Variants in DST observed in about 807,000 individuals in gnomAD.
The protein encoded by DST is bullous pemphigoid antigen.
Under a neutral mutation model 875.2 loss-of-function variants are expected in DST, and 253 were observed. The observed-to-expected ratio is 0.29, with a 90% CI of 0.26 to 0.32. DST has a LOEUF of 0.32. Among genes scored for constraint, DST ranks in the 10% least tolerant of loss-of-function variants. The pLI, the probability that DST is intolerant of heterozygous loss-of-function variation, is 1.00. For missense variants in DST, 8,287 were observed against 9,111.6 expected, an observed-to-expected ratio of 0.91 and a Z score of 3.68; for synonymous variants, 3,124 against 3,197.1, an observed-to-expected ratio of 0.98 and a Z score of 0.77.
chr6:56,580,725 C>CTTTTT (rs1167715487), intron 49 of DST, among the ~76,000 whole-genome samples: 1 of 121,038 alleles, frequency 8.3e-6, no homozygotes. Context: ...TTTACTTTTT[C>CTTTTT]TTTTTTTTTT....
chr6:56,867,568 T>TC (rs1195241070), intron 3 of DST, among the ~76,000 whole-genome samples: 1 of 152,204 alleles, frequency 6.6e-6, no homozygotes, highest in Non-Finnish European at 1.5e-5. Context: ...ATGCCTGTAA[T>TC]CCCAGCACTT....
intron 1 of DST, 73 bp from the exon 2 acceptor site, chr6:56,953,892 C>A: frequency 8.7e-7 from 1 of 1,146,892 alleles, no homozygotes; most frequent in Non-Finnish European, 1.2e-6. Context: ...TCATGACTTA[C>A]CTGGGAGACC....
At chr6:56,498,865 T>A (rs55649371) in intron 80 of DST, among the ~76,000 whole-genome samples, 42 of 151,580 alleles carry the variant, frequency 2.8e-4, no homozygotes, top group African/African-American at 8.8e-4. Flanking sequence ...AAAATTCAGT[T>A]GTTCTTCAAG....
Position 56,521,476 on chromosome 6 carries a change from ATT to A in DST, c.18130-3858_18130-3857del, listed in dbSNP as rs1380195868. Reference sequence around the variant, plus strand: ...ATTAGTTTAACACTATGTCTTCCCTATTTAAAAAAAAAAAAAAACTTTCCAGC... The same window carrying A: ...ATTAGTTTAACACTATGTCTTCCCTATAAAAAAAAAAAAAAACTTTCCAGC... On this transcript the variant is annotated intron_variant, in intron 69 of 103. Coordinates refer to ENST00000680361, the MANE Select transcript of DST (RefSeq NM_001374736.1). Among the ~76,000 whole-genome samples the A allele has an allele frequency of 8.6e-3, 608 of 70,424 alleles. 6 individuals carry two copies. Among genetic ancestry groups the A allele is most frequent in the Middle Eastern group, 0.021 (4 of 190 alleles). The allele number at this position is 70,424 out of a possible 152,430, so 46.2% of individuals were successfully genotyped here.
chr6:56,780,997 G>A (rs71564853), intron 4 of DST, among the ~76,000 whole-genome samples: 1,710 of 152,186 alleles, frequency 0.011, 13 homozygotes, highest in Non-Finnish European at 0.019. Flanking sequence ...TTTCCCCATT[G>A]CTTGTTTTTC....
chr6:56,615,423 A>T (rs1314175522), intron 36 of DST: 1 of 1,586,962 alleles, frequency 6.3e-7, no homozygotes. Context: ...TACATAATTC[A>T]CAGACTGCAT....
intron 53 of DST, 97 bp from the exon 54 acceptor site, chr6:56,570,109 T>C (rs1300671513): frequency 2.2e-5 from 20 of 902,330 alleles, no homozygotes; most frequent in Non-Finnish European, 3.1e-5. Flanking sequence ...CCATCTTCCA[T>C]GTACTCTAAC....
intron 102 of DST, chr6:56,462,091 A>G (rs564086418): frequency 8.1e-4 from 123 of 152,326 alleles, no homozygotes; most frequent in African/African-American, 2.9e-3. Context: ...TTATTATATT[A>G]CTTTTATTTG....
At position 56,616,238 on chromosome 6, in the gene DST, C is replaced by T. The variant is rs1226320546; in HGVS notation, c.4930-1754G>A. ...TTTGACCAAGGCTTTGTCAATTGTT[C>T]CCTGCTCTATAGCCTCATTAATATT... is the stretch of plus-strand genomic sequence containing the variant. On this transcript the variant is annotated intron_variant, in intron 36 of 103. Coordinates refer to ENST00000680361, the MANE Select transcript of DST (RefSeq NM_001374736.1). 3.7e-6 allele frequency: 6 copies of T among 1,614,110 alleles called. 1 individual carries two copies. The highest frequency in any genetic ancestry group is 1.7e-4 in the Middle Eastern group (1 of 6,060).
intron 3 of DST, among the ~76,000 whole-genome samples, chr6:56,857,456 T>C (rs900451585): frequency 1.3e-5 from 2 of 152,186 alleles, no homozygotes; most frequent in Non-Finnish European, 2.9e-5. Context: ...CACAAACACT[T>C]AGAGAAGCAC....
At chr6:56,730,365 C>T (rs190001117) in intron 5 of DST, among the ~76,000 whole-genome samples, 39 of 152,192 alleles carry the variant, frequency 2.6e-4, no homozygotes, top group Non-Finnish European at 4.7e-4. Context: ...CTTTCTCTGT[C>T]CCCCACCCCA....
intron 80 of DST, among the ~76,000 whole-genome samples, chr6:56,498,715 A>T (rs1466414364): frequency 1.3e-5 from 2 of 152,192 alleles, no homozygotes; most frequent in Non-Finnish European, 2.9e-5. Context: ...TACAATCAGC[A>T]TTCTGAAAGA....
chr6:56,830,923 T>C (rs1452041336), intron 4 of DST, among the ~76,000 whole-genome samples: 2 of 152,156 alleles, frequency 1.3e-5, no homozygotes, highest in Non-Finnish European at 2.9e-5. Context: ...ACCTACAGTA[T>C]GGTGTTCTCT....
At chr6:56,799,095 A>T (rs200244685) in intron 4 of DST, among the ~76,000 whole-genome samples, 1 of 152,348 alleles carries the variant, frequency 6.6e-6, no homozygotes, top group East Asian at 1.9e-4. Flanking sequence ...AAATGCCAAC[A>T]AAGATTTAGA....
At chr6:56,702,382 C>CAA (rs1405160311) in intron 7 of DST, among the ~76,000 whole-genome samples, 31 of 148,204 alleles carry the variant, frequency 2.1e-4, no homozygotes, top group African/African-American at 7.5e-4. Context: ...ACTGTATATA[C>CAA]ACACACACAC....
intron 4 of DST, among the ~76,000 whole-genome samples, chr6:56,736,153 G>T (rs1440025862): frequency 6.6e-6 from 1 of 152,142 alleles, no homozygotes; most frequent in African/African-American, 2.4e-5. Context: ...GCTTTCCAAA[G>T]TGCTGGGATT....
At chr6:56,557,665 C>A in intron 58 of DST, 147 bp from the exon 59 acceptor site, 1 of 688,132 alleles carries the variant, frequency 1.5e-6, no homozygotes, top group South Asian at 2.1e-5. Context: ...ACTTAAAGGA[C>A]TAACCTACGA....
intron 89 of DST, 75 bp from the exon 90 acceptor site, chr6:56,482,253 T>G: frequency 1.3e-6 from 2 of 1,490,052 alleles, no homozygotes; most frequent in Non-Finnish European, 1.8e-6. Flanking sequence ...CAAAACTGTA[T>G]AGTGGATTCA....
At chr6:56,615,214 T>C in intron 36 of DST, 20 of 1,181,448 alleles carry the variant, frequency 1.7e-5, no homozygotes, top group Non-Finnish European at 2.1e-5. Flanking sequence ...GAAATGACAC[T>C]GTGAACTTGG....
Sources: allele counts gnomAD v4.1 joint callset (sites outside exome capture counted in the v4.1 genomes callset), GRCh38; gene constraint gnomAD v4.1.1; transcripts MANE v1.5; gene names NCBI Gene and HGNC (gene_info 2026-07-23, HGNC 2026-07-21).